The following UNC13C variants were observed in gnomAD, a reference collection of about 807,000 sequenced individuals.
The protein encoded by UNC13C is unc-13 homolog C.
A neutral mutation model predicts 245.4 loss-of-function variants in UNC13C; 174 were observed. The observed-to-expected ratio is 0.71, with a 90% CI of 0.63 to 0.80. The LOEUF is 0.80. UNC13C is among the 30% of genes least tolerant of loss of function. The probability of loss-of-function intolerance (pLI) is 0.00; values close to 1 mark genes in which losing one functional copy is unlikely to be tolerated. For missense variants in UNC13C, 2,829 were observed against 2,602.9 expected (o/e 1.09, Z -1.89); for synonymous variants, 992 against 895.1 (o/e 1.11, Z -1.93).
At chr15:54,506,715 T>C (rs992029708) in intron 22 of UNC13C, among the ~76,000 whole-genome samples, 2 of 152,122 alleles carry the variant, frequency 1.3e-5, no homozygotes, top group African/African-American at 4.8e-5. Flanking sequence ...AATTCAGGCA[T>C]ATGTTGTACA....
chr15:54,273,710 A>G (rs114667494), intron 10 of UNC13C, among the ~76,000 whole-genome samples: 259 of 152,288 alleles, frequency 1.7e-3, no homozygotes, highest in African/African-American at 6.0e-3. Context: ...TGAGTGTAGT[A>G]TTACACTACA....
intron 20 of UNC13C, among the ~76,000 whole-genome samples, chr15:54,496,716 A>T (rs1265421002): frequency 6.6e-6 from 1 of 152,090 alleles, no homozygotes; most frequent in Non-Finnish European, 1.5e-5. Flanking sequence ...TAACTCAGGA[A>T]TGGAAAACCA....
At chr15:54,336,007 T>C (rs1178642909) in intron 16 of UNC13C, among the ~76,000 whole-genome samples, 2 of 151,114 alleles carry the variant, frequency 1.3e-5, no homozygotes, top group Non-Finnish European at 1.5e-5. Context: ...TATCTTAATG[T>C]ATTAATTTTA....
chr15:53,920,662 T>C, the UNC13C span, among the ~76,000 whole-genome samples: 14 of 152,134 alleles, frequency 9.2e-5, no homozygotes, highest in Non-Finnish European at 2.9e-5. Context: ...AGAATAAAGA[T>C]GTAGCATTTG....
downstream of UNC13C, chr15:54,630,781 G>A (rs1901441976): frequency 6.6e-6 from 1 of 152,010 alleles, no homozygotes; most frequent in Non-Finnish European, 1.5e-5. Flanking sequence ...AAAAAACTAG[G>A]ATATGTGATA....
intron 19 of UNC13C, among the ~76,000 whole-genome samples, chr15:54,473,680 C>A (rs772310696): frequency 6.6e-6 from 1 of 151,818 alleles, no homozygotes; most frequent in Non-Finnish European, 1.5e-5. Context: ...CTTTTTACAG[C>A]TCAATAGTAT....
At chr15:54,107,704 G>T (rs1047614227) in intron 2 of UNC13C, among the ~76,000 whole-genome samples, 3 of 152,198 alleles carry the variant, frequency 2.0e-5, no homozygotes, top group Admixed American at 2.0e-4. Flanking sequence ...ATGTAACACA[G>T]AGTAGAGTCC....
rs1174301806 is a variant in UNC13C at position 54,526,613 on chromosome 15, G to A, written c.5546+976G>A. ...CAAAAAAGTAGCCGGGCGTGGTGACGGGCACCTGTAGTCCCAGTTACTCAG... is the reference window on the plus strand; with the variant it reads ...CAAAAAAGTAGCCGGGCGTGGTGACAGGCACCTGTAGTCCCAGTTACTCAG... On this transcript the variant is annotated intron_variant, in intron 25 of 32. Coordinates refer to ENST00000260323, the MANE Select transcript of UNC13C (RefSeq NM_001080534.3). 2.6e-5 allele frequency among the ~76,000 whole-genome samples: 4 copies of A among 151,674 alleles called. No homozygotes were observed. The South Asian group carries it at 6.3e-4, about 24-fold the overall frequency.
chr15:54,151,485 C>G (rs2032513891), intron 4 of UNC13C, among the ~76,000 whole-genome samples: 1 of 152,064 alleles, frequency 6.6e-6, no homozygotes, highest in Non-Finnish European at 1.5e-5. Flanking sequence ...TGACTGCAAC[C>G]TCCGCCTCCT....
chr15:54,618,685 A>C (rs1228664333), intron 30 of UNC13C, among the ~76,000 whole-genome samples: 1 of 152,128 alleles, frequency 6.6e-6, no homozygotes, highest in African/African-American at 2.4e-5. Flanking sequence ...TGTGAGGTAA[A>C]ATATGTGGCA....
Position 54,240,172 on chromosome 15 carries a change from T to C in UNC13C, c.3228+2482T>C, listed in dbSNP as rs36052891. Among the ~76,000 whole-genome samples, 1,292 of 150,248 alleles carry C rather than the reference T, an allele frequency of 8.6e-3. 5 individuals are homozygous for C. The highest frequency in any genetic ancestry group is 0.014 in the Non-Finnish European group (959 of 67,614). On this transcript the variant is annotated intron_variant, in intron 7 of 32. Transcript: ENST00000260323. ...TCAGAAGGCTTCAGTAAAAAAAAAC[T>C]GTGTTGGTGTTGAATGGATGAACAG...
intron 1 of UNC13C, among the ~76,000 whole-genome samples, chr15:54,005,114 T>C (rs1895077587): frequency 6.6e-6 from 1 of 152,192 alleles, no homozygotes; most frequent in South Asian, 2.1e-4. Flanking sequence ...AGGGATATCC[T>C]GATAAACCAT....
chr15:54,272,208 T>C (rs1180427858), intron 10 of UNC13C, among the ~76,000 whole-genome samples: 2 of 152,172 alleles, frequency 1.3e-5, no homozygotes, highest in South Asian at 2.1e-4. Flanking sequence ...TTTTGAAGTA[T>C]ATGGCAGCCA....
intron 2 of UNC13C, among the ~76,000 whole-genome samples, chr15:54,084,701 G>T (rs1330475688): frequency 6.6e-6 from 1 of 152,022 alleles, no homozygotes; most frequent in African/African-American, 2.4e-5. Context: ...GAATATTCAG[G>T]TCATATGCTA....
intron 2 of UNC13C, among the ~76,000 whole-genome samples, chr15:54,126,387 A>G (rs543245509): frequency 6.6e-6 from 1 of 152,310 alleles, no homozygotes; most frequent in Admixed American, 6.5e-5. Flanking sequence ...GAGGCACATT[A>G]TATAATGATA....
intron 28 of UNC13C, among the ~76,000 whole-genome samples, chr15:54,553,120 C>T (rs1209967104): frequency 3.1e-5 from 3 of 95,246 alleles, no homozygotes; most frequent in Middle Eastern, 0.013. Flanking sequence ...TTCTATATTA[C>T]AATATATAAT....
the UNC13C span, among the ~76,000 whole-genome samples, chr15:53,847,724 G>A: frequency 2.0e-5 from 3 of 151,886 alleles, no homozygotes; most frequent in Non-Finnish European, 4.4e-5. Context: ...TTAGATATAG[G>A]AAAATCAGCT....
At chr15:54,509,173 T>G (rs947363426) in intron 23 of UNC13C, among the ~76,000 whole-genome samples, 6 of 152,122 alleles carry the variant, frequency 3.9e-5, no homozygotes, top group African/African-American at 1.4e-4. Context: ...CACTCCAGCC[T>G]GGCCAAAAAA....
the UNC13C span, among the ~76,000 whole-genome samples, chr15:53,862,081 G>A: frequency 1.3e-5 from 2 of 152,076 alleles, no homozygotes; most frequent in Admixed American, 6.6e-5. Context: ...ATTTTTCACA[G>A]TTTTGGAGGC....
Sources: gnomAD v4.1 joint callset for allele counts (sites outside exome capture counted in the v4.1 genomes callset) on GRCh38, gnomAD v4.1.1 for gene constraint, MANE v1.5 for transcripts, NCBI Gene and HGNC (gene_info 2026-07-23, HGNC 2026-07-21) for gene names.